The following ZNF621 variants were observed in gnomAD, a reference collection of about 807,000 sequenced individuals.
ZNF621 encodes the protein zinc finger protein 621.
In ZNF621, 6 loss-of-function variants were observed where a neutral mutation model predicts 12.7. The ratio of observed to expected loss-of-function variants is 0.47; its 90% confidence interval spans 0.26 to 0.93. The LOEUF (loss-of-function observed/expected upper bound fraction) is 0.93. Ranked by LOEUF, ZNF621 falls within the 40% of genes least tolerant of loss-of-function variation. The pLI is 0.15. For missense variants in ZNF621, 474 were observed against 524.0 expected (o/e 0.90, Z 0.93); for synonymous variants, 156 against 190.3 (o/e 0.82, Z 1.48).
At chr3:40,531,207 T>G (rs1698719464) in intron 4 of ZNF621, among the ~76,000 whole-genome samples, 1 of 152,194 alleles carries the variant, frequency 6.6e-6, no homozygotes, top group South Asian at 2.1e-4. Flanking sequence ...TTGGGGTGAT[T>G]GCCTGGGTTA....
intron 3 of ZNF621, 141 bp downstream of exon 3, chr3:40,529,586 C>T: frequency 1.3e-6 from 2 of 1,560,496 alleles, no homozygotes; most frequent in South Asian, 1.1e-5. Context: ...GTAGGGAAAT[C>T]CTTGGTTCTC....
At chr3:40,525,932 A>T (rs1698571549) in intron 2 of ZNF621, 68 bp downstream of exon 2, 1 of 1,574,104 alleles carries the variant, frequency 6.4e-7, no homozygotes, top group Non-Finnish European at 8.7e-7. Flanking sequence ...TAGCTATCAG[A>T]TAATCAGGAA....
Position 40,533,101 on chromosome 3 carries a change from G to T in ZNF621, c.*11G>T, listed in dbSNP as rs1425110295. The T allele has an allele frequency of 6.5e-7, 1 of 1,549,370 alleles. No homozygotes were observed. The highest frequency in any genetic ancestry group is 2.4e-5 in the East Asian group (1 of 40,890). The stretch of plus-strand genomic sequence containing the variant: ...TCTCACTCCTCATGAGCTTTATCTT[G>T]GCAGTCTTACGGCTCTTATGCCTAG... On this transcript the variant is annotated 3_prime_UTR_variant, in exon 5 of 5. Coordinates refer to ENST00000339296, the MANE Select transcript of ZNF621 (RefSeq NM_198484.5).
chr3:40,528,262 G>C (rs984365550), intron 2 of ZNF621, among the ~76,000 whole-genome samples: 2 of 152,172 alleles, frequency 1.3e-5, no homozygotes, highest in African/African-American at 4.8e-5. Flanking sequence ...AGCATTTTCA[G>C]ATTGACTTCT....
chr3:40,531,327 C>T (rs1159219459), intron 4 of ZNF621, among the ~76,000 whole-genome samples: 1 of 152,144 alleles, frequency 6.6e-6, no homozygotes, highest in Non-Finnish European at 1.5e-5. Context: ...TCATTCCTTT[C>T]TCCTCTTCTG....
In ZNF621 at chr3:40,532,731, T is replaced by C. The variant is rs765379156; in HGVS notation, c.961T>C (p.Cys321Arg). 27 of 1,614,204 alleles carry C rather than the reference T, an allele frequency of 1.7e-5. No individual in the cohort carries two copies. Among genetic ancestry groups the C allele is most frequent in the Non-Finnish European group, 2.1e-5 (25 of 1,180,040 alleles). The change falls in exon 5 of 5, where the codon TGT (cysteine) becomes CGT (arginine). Residue 321 changes from cysteine (C) to arginine (R), a missense_variant. Transcript: ENST00000339296. ...RVHTGEKPYE[C>R]KVCGKAFKWY... ...TCACACTGGGGAGAAGCCTTATGAATGTAAGGTGTGTGGGAAAGCCTTCAA... is the reference window on the plus strand; with the variant it reads ...TCACACTGGGGAGAAGCCTTATGAACGTAAGGTGTGTGGGAAAGCCTTCAA...
In ZNF621 at chr3:40,537,571, C is replaced by T. The variant is rs1369509342; in HGVS notation, c.*4481C>T. On this transcript the variant is annotated 3_prime_UTR_variant, in exon 5 of 5. Transcript: ENST00000339296. ...TGAGCTATGATTGTGCCACTGCACT[C>T]TAGCCTGTGTGACAGAATGAAACCA... 1 of 152,596 alleles carries T rather than the reference C, an allele frequency of 6.6e-6. No individual in the cohort carries two copies. The highest frequency in any genetic ancestry group is 2.4e-5 in the African/African-American group (1 of 41,548). 9.5% of individuals were successfully genotyped at this position (152,596 alleles called of 1,614,324 possible).
At position 40,529,303 on chromosome 3, in the gene ZNF621, G is replaced by A. The variant is rs1398269536; in HGVS notation, c.25-16G>A. On this transcript the variant is annotated splice_polypyrimidine_tract_variant and intron_variant, in intron 2 of 4. Transcript: ENST00000339296. ...TACTTCTCACTCAGAGATTGAGCAG[G>A]AACCTGTTGTTTCAGGAGTCAGTGA... The A allele has an allele frequency of 8.1e-6, 13 of 1,611,696 alleles. No individual in the cohort carries two copies. The highest frequency in any genetic ancestry group is 1.1e-5 in the Non-Finnish European group (13 of 1,178,592).
At chr3:40,530,064 T>G (rs1009475589) in intron 3 of ZNF621, 145 bp from the exon 4 acceptor site, 1 of 625,606 alleles carries the variant, frequency 1.6e-6, no homozygotes, top group Non-Finnish European at 2.8e-6. Flanking sequence ...GGAGCACAGT[T>G]TGGACCTCCT....
At position 40,532,758 on chromosome 3, in the gene ZNF621, T is replaced by C. The variant is rs143694900; in HGVS notation, c.988T>C (p.Trp330Arg). ...TAAGGTGTGTGGGAAAGCCTTCAAA[T>C]GGTATGGAAGTTTTGTTCAGCATCA... ...ECKVCGKAFKWYGSFVQHQKL... is the reference protein window; with the variant it reads ...ECKVCGKAFKRYGSFVQHQKL... Residue 330 changes from tryptophan to arginine, a missense_variant, in exon 5 of 5, where the codon TGG becomes CGG. Trp to Arg is a moderately radical substitution (Grantham distance 101). Coordinates refer to ENST00000339296, the MANE Select transcript of ZNF621 (RefSeq NM_198484.5). 3.6e-5 allele frequency: 58 copies of C among 1,614,160 alleles called. No homozygotes were observed. In the African/African-American group the frequency reaches 7.3e-4, roughly 20 times the overall value.
intron 3 of ZNF621, 105 bp downstream of exon 3, chr3:40,529,550 C>T (rs753116774): frequency 3.1e-6 from 5 of 1,589,914 alleles, no homozygotes; most frequent in African/African-American, 2.7e-5. Flanking sequence ...GAGAGTTTTG[C>T]AATCAGCAGC....
intron 2 of ZNF621, 157 bp from the exon 3 acceptor site, chr3:40,529,162 G>A (rs988870848): frequency 1.7e-5 from 13 of 786,700 alleles, no homozygotes; most frequent in African/African-American, 1.2e-4. Flanking sequence ...CTGAGGGCTC[G>A]CCCCTGGCTG....
At position 40,532,784 on chromosome 3, in the gene ZNF621, G is replaced by A; in HGVS notation, c.1014G>A (p.Gln338=). The A allele has an allele frequency of 6.2e-7, 1 of 1,614,206 alleles. No homozygotes were observed. The highest frequency in any genetic ancestry group is 8.5e-7 in the Non-Finnish European group (1 of 1,180,036). Residue 338 remains glutamine (Q), a synonymous_variant, in exon 5 of 5, where the codon CAG becomes CAA. Transcript: ENST00000339296. ...FKWYGSFVQH[Q]KLHPVEKKPV... is the part of the protein sequence containing the mutation. ...GGTATGGAAGTTTTGTTCAGCATCA[G>A]AAATTGCACCCTGTGGAGAAGAAGC...
chr3:40,523,803 AAAAC>A (rs1287799227), upstream of ZNF621, among the ~76,000 whole-genome samples: 1 of 151,764 alleles, frequency 6.6e-6, no homozygotes, highest in Non-Finnish European at 1.5e-5. Context: ...AAAAAAAAAA[AAAAC>A]AAAGTCTGTC....
upstream of ZNF621, chr3:40,524,910 C>A (rs538378841): frequency 6.6e-6 from 1 of 152,270 alleles, no homozygotes; most frequent in African/African-American, 2.4e-5. Context: ...ACGGGGCGAC[C>A]GAGATGGCGG....
chr3:40,525,656 A>G, intron 1 of ZNF621, 123 bp from the exon 2 acceptor site: 1 of 745,560 alleles, frequency 1.3e-6, no homozygotes, highest in Non-Finnish European at 2.3e-6. Context: ...GAGAACAATT[A>G]GAGGGAGTCC....
Position 40,532,613 on chromosome 3 carries a change from T to C in ZNF621, c.843T>C (p.His281=). The change falls in exon 5 of 5, where the codon CAT becomes CAC. Residue 281 remains histidine, a synonymous_variant. Transcript: ENST00000339296. ...AFGCRSLFIV[H]QRIHTGEKPY... Reference sequence around the variant, plus strand: ...GTTGTAGGTCACTTTTTATTGTCCATCAGAGAATTCATACTGGGGAGAAAC... The same window carrying C: ...GTTGTAGGTCACTTTTTATTGTCCACCAGAGAATTCATACTGGGGAGAAAC... The C allele has an allele frequency of 6.2e-7, 1 of 1,614,142 alleles. No individual in the cohort carries two copies. Among genetic ancestry groups the C allele is most frequent in the Non-Finnish European group, 8.5e-7 (1 of 1,180,026 alleles).
rs1356245325 is a variant in ZNF621 at position 40,537,998 on chromosome 3, A to G, written c.*4908A>G. Among the ~76,000 whole-genome samples, 1 of 152,234 alleles carries G rather than the reference A, an allele frequency of 6.6e-6. No homozygotes were observed. The highest frequency in any genetic ancestry group is 1.5e-5 in the Non-Finnish European group (1 of 68,036). ...CCCTGGCTTAAAAGCATCAAAGGAC[A>G]GCTCGTCTCTCTTGTTAGGGGTTCA... On this transcript the variant is annotated 3_prime_UTR_variant, in exon 5 of 5. Transcript: ENST00000339296.
At position 40,532,790 on chromosome 3, in the gene ZNF621, G is replaced by C. The variant is rs767940206; in HGVS notation, c.1020G>C (p.Leu340Phe). 8.1e-6 allele frequency: 13 copies of C among 1,614,056 alleles called. No individual in the cohort carries two copies. Among genetic ancestry groups the C allele is most frequent in the Non-Finnish European group, 1.1e-5 (13 of 1,180,048 alleles). The stretch of plus-strand genomic sequence containing the variant: ...GAAGTTTTGTTCAGCATCAGAAATT[G>C]CACCCTGTGGAGAAGAAGCCAGTCA... ...WYGSFVQHQK[L>F]HPVEKKPVKV... is the part of the protein sequence containing the mutation. Residue 340 changes from leucine (L) to phenylalanine (F), a missense_variant, in exon 5 of 5, where the codon TTG becomes TTC. Transcript: ENST00000339296.
Sources: allele counts gnomAD v4.1 joint callset (sites outside exome capture counted in the v4.1 genomes callset), GRCh38; gene constraint gnomAD v4.1.1; transcripts MANE v1.5; gene names NCBI Gene and HGNC (gene_info 2026-07-23, HGNC 2026-07-21).